Variants in NBAS observed in about 807,000 individuals in gnomAD.
The protein encoded by NBAS is NAG/BC035112 fusion.
A neutral mutation model predicts 302.5 loss-of-function variants in NBAS; 219 were observed. The ratio of observed to expected loss-of-function variants is 0.72; its 90% confidence interval spans 0.65 to 0.81. NBAS has a LOEUF of 0.81. Among genes scored for constraint, NBAS ranks in the 30% least tolerant of loss-of-function variants. The pLI is 0.00. For missense variants in NBAS, 2,932 were observed against 2,841.6 expected (o/e 1.03, Z -0.72); for synonymous variants, 1,118 against 1,021.6 (o/e 1.09, Z -1.80).
At chr2:15,201,998 C>G (rs1665897097) in intron 48 of NBAS, among the ~76,000 whole-genome samples, 1 of 152,220 alleles carries the variant, frequency 6.6e-6, no homozygotes, top group Admixed American at 6.5e-5. Context: ...TCAGCAAAAA[C>G]TTTTAGCTCT....
chr2:14,914,447 G>A, the NBAS span, among the ~76,000 whole-genome samples: 5 of 152,354 alleles, frequency 3.3e-5, no homozygotes, highest in African/African-American at 1.2e-4. Context: ...TTCTGCAGAA[G>A]GATGTGATTG....
chr2:15,350,271 G>T (rs983186209), intron 35 of NBAS, among the ~76,000 whole-genome samples: 1 of 151,674 alleles, frequency 6.6e-6, no homozygotes, highest in Non-Finnish European at 1.5e-5. Context: ...TGTCAAGATG[G>T]ATACAGCAAA....
intron 35 of NBAS, among the ~76,000 whole-genome samples, chr2:15,332,974 G>C (rs1430271015): frequency 6.6e-6 from 1 of 152,204 alleles, no homozygotes; most frequent in Non-Finnish European, 1.5e-5. Context: ...TGACAAAAAG[G>C]AGTAAGACAC....
At chr2:15,403,741 G>C (rs1676265681) in intron 25 of NBAS, among the ~76,000 whole-genome samples, 1 of 152,098 alleles carries the variant, frequency 6.6e-6, no homozygotes, top group Non-Finnish European at 1.5e-5. Context: ...ATCTGACAAA[G>C]AGTTAACCAA....
At chr2:15,060,312 T>C in the NBAS span, among the ~76,000 whole-genome samples, 1 of 152,150 alleles carries the variant, frequency 6.6e-6, no homozygotes, top group East Asian at 1.9e-4. Context: ...TGCGTCCCCA[T>C]GCAGCTCGAG....
chr2:14,938,903 A>G, the NBAS span, among the ~76,000 whole-genome samples: 1 of 152,256 alleles, frequency 6.6e-6, no homozygotes, highest in African/African-American at 2.4e-5. Flanking sequence ...AAGGAAGCAG[A>G]GTGTATGCTT....
At chr2:15,179,413 C>T (rs1408775315) in intron 50 of NBAS, 1 of 350,182 alleles carries the variant, frequency 2.9e-6, no homozygotes, top group Non-Finnish European at 5.4e-6. Flanking sequence ...CCTAAACTCT[C>T]ACAGCCCTAA....
intron 50 of NBAS, 188 bp from the exon 51 acceptor site, chr2:15,179,304 T>G: frequency 2.6e-6 from 2 of 755,878 alleles, no homozygotes; most frequent in South Asian, 1.8e-5. Flanking sequence ...CACAGTAAAC[T>G]GTGTACAGAT....
chr2:15,348,080 T>C (rs1490584071), intron 35 of NBAS, among the ~76,000 whole-genome samples: 1 of 152,222 alleles, frequency 6.6e-6, no homozygotes, highest in Non-Finnish European at 1.5e-5. Context: ...GGTTATTATA[T>C]CTACTGTTAA....
the NBAS span, among the ~76,000 whole-genome samples, chr2:14,919,804 T>A: frequency 6.6e-6 from 1 of 152,204 alleles, no homozygotes; most frequent in Non-Finnish European, 1.5e-5. Flanking sequence ...CAGTCACATC[T>A]TCAGGCTCCA....
intron 47 of NBAS, among the ~76,000 whole-genome samples, chr2:15,230,920 A>T (rs1224823475): frequency 6.6e-6 from 1 of 152,140 alleles, no homozygotes; most frequent in Non-Finnish European, 1.5e-5. Flanking sequence ...GCCTGGAATT[A>T]CCATCATCTA....
At chr2:15,428,226 G>T (rs1312991902) in intron 21 of NBAS, among the ~76,000 whole-genome samples, 2 of 152,168 alleles carry the variant, frequency 1.3e-5, no homozygotes, top group Non-Finnish European at 2.9e-5. Context: ...GTAACCACCA[G>T]CTATGTAAAT....
At chr2:15,034,278 G>GAGAA in the NBAS span, among the ~76,000 whole-genome samples, 1 of 127,392 alleles carries the variant, frequency 7.8e-6, no homozygotes, top group African/African-American at 2.9e-5. Context: ...GAAAGAAAGA[G>GAGAA]AGAAAGAAAG....
At chr2:14,843,504 C>T in the NBAS span, among the ~76,000 whole-genome samples, 2 of 151,752 alleles carry the variant, frequency 1.3e-5, no homozygotes, top group African/African-American at 2.4e-5. Flanking sequence ...ATATGAGGCT[C>T]CACTGATCAT....
chr2:15,004,577 T>C, the NBAS span, among the ~76,000 whole-genome samples: 1 of 151,748 alleles, frequency 6.6e-6, no homozygotes, highest in Non-Finnish European at 1.5e-5. Context: ...TCATGGCTCG[T>C]GGCAGCCTCA....
chr2:15,211,855 A>T (rs904531292), intron 48 of NBAS, among the ~76,000 whole-genome samples: 1 of 152,228 alleles, frequency 6.6e-6, no homozygotes, highest in Non-Finnish European at 1.5e-5. Context: ...CATTAAGGCC[A>T]TGAAGAAAGG....
chr2:15,087,694 A>G, the NBAS span, among the ~76,000 whole-genome samples: 35 of 152,366 alleles, frequency 2.3e-4, 1 homozygote, highest in South Asian at 7.0e-3. Context: ...ATGGCAAGAT[A>G]CAGGAAATGT....
chr2:15,356,588 GGA>G (rs1673634071), intron 32 of NBAS, among the ~76,000 whole-genome samples, 172 bp from the exon 33 acceptor site: 3 of 152,248 alleles, frequency 2.0e-5, no homozygotes, highest in Admixed American at 2.0e-4. Flanking sequence ...TATGAAGCAT[GGA>G]ATTAGCCATC....
At chr2:15,493,066 T>C (rs945404948) in intron 11 of NBAS, among the ~76,000 whole-genome samples, 4 of 152,188 alleles carry the variant, frequency 2.6e-5, no homozygotes, top group Admixed American at 6.5e-5. Context: ...GTTCTCATGC[T>C]AGTGAGTTCT....
Sources: gnomAD v4.1 joint callset for allele counts (sites outside exome capture counted in the v4.1 genomes callset) on GRCh38, gnomAD v4.1.1 for gene constraint, MANE v1.5 for transcripts, NCBI Gene and HGNC (gene_info 2026-07-23, HGNC 2026-07-21) for gene names.